CDK8: variants seen among roughly 807,000 people sequenced by gnomAD.
CDK8 encodes the protein cyclin dependent kinase 8.
A neutral mutation model predicts 71.5 loss-of-function variants in CDK8; 29 were observed. The ratio of observed to expected loss-of-function variants is 0.41; its 90% CI spans 0.30 to 0.55. The LOEUF (loss-of-function observed/expected upper bound fraction) is 0.55. Among genes scored for constraint, CDK8 ranks in the 20% least tolerant of loss-of-function variants. CDK8 has a pLI of 0.37. For synonymous variants in CDK8, 161 were observed against 192.1 expected (o/e 0.84, Z 1.34); for missense variants, 288 against 572.6 (o/e 0.50, Z 5.07).
rs192339317 is a variant in CDK8 at position 26,269,433 on chromosome 13, T to C, written c.128+14664T>C. Among the ~76,000 whole-genome samples, 180 of 152,348 alleles carry C rather than the reference T, an allele frequency of 1.2e-3. 1 individual carries two copies. The Middle Eastern group carries it at 0.014, about 12-fold the overall frequency. On this transcript the variant is annotated intron_variant, in intron 1 of 12. Coordinates refer to ENST00000381527, the MANE Select transcript of CDK8 (RefSeq NM_001260.3). ...GTTTTAGCCAAGACTAGCTGACCTCTGCAGATCCCCTTTAAGTTTGTGGCA... is the reference window on the plus strand; with the variant it reads ...GTTTTAGCCAAGACTAGCTGACCTCCGCAGATCCCCTTTAAGTTTGTGGCA...
At chr13:26,349,207 G>A in intron 3 of CDK8, 25 bp downstream of exon 3, 1 of 1,236,632 alleles carries the variant, frequency 8.1e-7, no homozygotes, top group Non-Finnish European at 1.2e-6. Flanking sequence ...TGGCAGACAT[G>A]AGCAAACAGT....
chr13:26,255,090 TTG>T (rs1479103796), intron 1 of CDK8, among the ~76,000 whole-genome samples: 5 of 151,426 alleles, frequency 3.3e-5, no homozygotes, highest in African/African-American at 1.2e-4. Context: ...TAAATGTTTT[TTG>T]TTTTTTTTTT....
rs78412199 is a variant in CDK8 at position 26,370,381 on chromosome 13, G to T, written c.457-12433G>T. On this transcript the variant is annotated intron_variant, in intron 4 of 12. Coordinates refer to ENST00000381527, the MANE Select transcript of CDK8 (RefSeq NM_001260.3). The stretch of plus-strand genomic sequence containing the variant: ...TAACAAAATTCATCTTATTAATAGT[G>T]CAGAGTGGATAACCCTATGATTATC... Among the ~76,000 whole-genome samples, 861 of 152,296 alleles carry T rather than the reference G, an allele frequency of 5.7e-3. 6 individuals are homozygous for T. Among genetic ancestry groups the T allele is most frequent in the Middle Eastern group, 0.027 (8 of 294 alleles).
At chr13:26,295,724 A>G (rs1456101448) in intron 1 of CDK8, among the ~76,000 whole-genome samples, 1 of 152,196 alleles carries the variant, frequency 6.6e-6, no homozygotes, top group Non-Finnish European at 1.5e-5. Context: ...GAGTAAAACC[A>G]TGTAAATATA....
At chr13:26,323,123 T>C (rs1490575372) in intron 1 of CDK8, among the ~76,000 whole-genome samples, 1 of 152,182 alleles carries the variant, frequency 6.6e-6, no homozygotes, top group African/African-American at 2.4e-5. Context: ...TTTCATTCCT[T>C]CATCTCTGTC....
Position 26,349,118 on chromosome 13 carries a change from T to G in CDK8, c.251T>G (p.Val84Gly). Reference protein sequence around the residue: ...KHPNVISLQKVFLSHADRKVW... With the variant: ...KHPNVISLQKGFLSHADRKVW... Reference sequence around the variant, plus strand: ...CCAAACGTCATTTCTCTTCAAAAGGTGTTTCTGTCTCATGCTGATAGGAAG... The same window carrying G: ...CCAAACGTCATTTCTCTTCAAAAGGGGTTTCTGTCTCATGCTGATAGGAAG... The change falls in exon 3 of 13, where the codon GTG (valine) becomes GGG (glycine). Residue 84 changes from valine to glycine, a missense_variant. Coordinates refer to ENST00000381527, the MANE Select transcript of CDK8 (RefSeq NM_001260.3). 6.2e-7 allele frequency: 1 copy of G among 1,613,642 alleles called. No individual in the cohort carries two copies. The highest frequency in any genetic ancestry group is 8.5e-7 in the Non-Finnish European group (1 of 1,179,684).
At chr13:26,402,369 C>T (rs1876303349) in intron 12 of CDK8, among the ~76,000 whole-genome samples, 3 of 152,104 alleles carry the variant, frequency 2.0e-5, no homozygotes, top group Admixed American at 2.0e-4. Flanking sequence ...TGTATACCAC[C>T]TCCTTTTCTC....
At chr13:26,270,823 C>CA (rs1872282180) in intron 1 of CDK8, among the ~76,000 whole-genome samples, 1 of 152,194 alleles carries the variant, frequency 6.6e-6, no homozygotes, top group Non-Finnish European at 1.5e-5. Flanking sequence ...TCTCTGCTTT[C>CA]AATTCCTAGG....
intron 1 of CDK8, among the ~76,000 whole-genome samples, chr13:26,268,292 C>T (rs577777041): frequency 1.6e-4 from 24 of 151,052 alleles, no homozygotes; most frequent in African/African-American, 5.8e-4. Flanking sequence ...CACACACACA[C>T]ACACACACAC....
At chr13:26,283,196 GACTTAAC>G (rs1872840263) in intron 1 of CDK8, among the ~76,000 whole-genome samples, 1 of 152,162 alleles carries the variant, frequency 6.6e-6, no homozygotes, top group Non-Finnish European at 1.5e-5. Context: ...AGAACAAATG[GACTTAAC>G]AGATATTTAC....
chr13:26,341,904 G>A (rs986125080), intron 2 of CDK8, among the ~76,000 whole-genome samples: 4 of 151,970 alleles, frequency 2.6e-5, no homozygotes, highest in African/African-American at 9.7e-5. Flanking sequence ...TATTATATGA[G>A]TATCTTTAAA....
intron 1 of CDK8, among the ~76,000 whole-genome samples, chr13:26,320,334 A>C (rs1045277274): frequency 2.0e-5 from 3 of 152,074 alleles, no homozygotes; most frequent in Non-Finnish European, 4.4e-5. Flanking sequence ...TCGCTTGAGC[A>C]CAGTAATTCA....
chr13:26,331,264 A>G (rs925951529), intron 1 of CDK8, among the ~76,000 whole-genome samples: 3 of 152,010 alleles, frequency 2.0e-5, no homozygotes, highest in Non-Finnish European at 4.4e-5. Context: ...GTATCTATTC[A>G]TGTCCTTTGC....
rs117750624 is a variant in CDK8, at chr13:26,383,660, A to G, written c.514+789A>G. On this transcript the variant is annotated intron_variant, in intron 5 of 12. Transcript: ENST00000381527. Reference sequence around the variant, plus strand: ...CTTCTGATCACAAGATTTAATATAAATTGGAAGTAACAGCTGATTTGTATC... The same window carrying G: ...CTTCTGATCACAAGATTTAATATAAGTTGGAAGTAACAGCTGATTTGTATC... Among the ~76,000 whole-genome samples the G allele has an allele frequency of 2.6e-5, 4 of 152,360 alleles. No individual in the cohort carries two copies. In the East Asian group the frequency reaches 7.7e-4, roughly 29 times the overall value.
chr13:26,337,766 G>A (rs1035348481), intron 2 of CDK8, 124 bp downstream of exon 2: 2 of 369,568 alleles, frequency 5.4e-6, no homozygotes, highest in Admixed American at 4.0e-5. Context: ...TCAACTATAT[G>A]TAGAAAAATA....
chr13:26,337,769 GA>G (rs957968196), intron 2 of CDK8, 127 bp downstream of exon 2: 3 of 361,564 alleles, frequency 8.3e-6, no homozygotes, highest in African/African-American at 6.4e-5. Context: ...ACTATATGTA[GA>G]AAAATATTAT....
chr13:26,349,827 A>G (rs1318129021), intron 3 of CDK8, among the ~76,000 whole-genome samples: 1 of 152,166 alleles, frequency 6.6e-6, no homozygotes, highest in African/African-American at 2.4e-5. Flanking sequence ...CCTAATTCTT[A>G]TTTTCAGTGG....
At chr13:26,272,948 T>G (rs1049418854) in intron 1 of CDK8, among the ~76,000 whole-genome samples, 38 of 152,222 alleles carry the variant, frequency 2.5e-4, no homozygotes, top group Non-Finnish European at 2.2e-4. Context: ...TTGGTATTGT[T>G]TGTAGCACAA....
At chr13:26,364,843 C>T (rs896752004) in intron 4 of CDK8, among the ~76,000 whole-genome samples, 8 of 151,904 alleles carry the variant, frequency 5.3e-5, no homozygotes, top group African/African-American at 1.9e-4. Flanking sequence ...CGGAAAGGAC[C>T]CTGAAATTAC....
Sources: gnomAD v4.1 joint callset for allele counts (sites outside exome capture counted in the v4.1 genomes callset) on GRCh38, gnomAD v4.1.1 for gene constraint, MANE v1.5 for transcripts, NCBI Gene and HGNC (gene_info 2026-07-23, HGNC 2026-07-21) for gene names.